PATL1: variants seen among roughly 807,000 people sequenced by gnomAD.
PATL1 encodes the protein PAT1 homolog 1, processing body mRNA decay factor.
Under a neutral mutation model 100.6 loss-of-function variants are expected in PATL1, and 32 were observed. The observed-to-expected ratio is 0.32, with a 90% confidence interval of 0.24 to 0.43. The LOEUF is 0.43. Ranked by LOEUF, PATL1 falls within the 20% of genes least tolerant of loss-of-function variation. The pLI is 1.00. For missense variants in PATL1, 747 were observed against 949.9 expected, an observed-to-expected ratio of 0.79 and a Z score of 2.81; for synonymous variants, 332 against 330.0, an observed-to-expected ratio of 1.01 and a Z score of -0.07.
At chr11:59,646,813 G>C (rs1229794058) in intron 15 of PATL1, among the ~76,000 whole-genome samples, 1 of 151,984 alleles carries the variant, frequency 6.6e-6, no homozygotes, top group Non-Finnish European at 1.5e-5. Flanking sequence ...TCATCTTTCA[G>C]GTGTGCTATG....
chr11:59,642,919 T>C lies in PATL1; in HGVS notation c.2010A>G (p.Ala670=), dbSNP rs1201352903. The change falls in exon 16 of 19, where the codon GCA becomes GCG. Residue 670 remains alanine, a synonymous_variant. Transcript: ENST00000300146. ...CAGCAGTGAGGTGAGGATTGGAGAGTGCTGGTGTAGCTGCACTTTGAGGTA... is the reference window on the plus strand; with the variant it reads ...CAGCAGTGAGGTGAGGATTGGAGAGCGCTGGTGTAGCTGCACTTTGAGGTA... ...MNLPQSAATP[A]LSNPHLTAVL... 4 of 1,613,706 alleles carry C rather than the reference T, an allele frequency of 2.5e-6. No individual in the cohort carries two copies. Among genetic ancestry groups the C allele is most frequent in the Non-Finnish European group, 2.5e-6 (3 of 1,179,878 alleles).
At chr11:59,648,381 C>CA (rs138831150) in intron 14 of PATL1, among the ~76,000 whole-genome samples, 4,103 of 151,242 alleles carry the variant, frequency 0.027, 178 homozygotes, top group African/African-American at 0.094. Flanking sequence ...GACAGGGTTT[C>CA]ACCATGTTGG....
chr11:59,641,897 G>C (rs1861286598), intron 16 of PATL1, among the ~76,000 whole-genome samples: 1 of 152,166 alleles, frequency 6.6e-6, no homozygotes, highest in African/African-American at 2.4e-5. Flanking sequence ...TTCTTCCTCT[G>C]ATACACTGAC....
chr11:59,666,130 C>T (rs747724372), intron 2 of PATL1, among the ~76,000 whole-genome samples: 17 of 152,088 alleles, frequency 1.1e-4, no homozygotes, highest in African/African-American at 2.9e-4. Context: ...CCTGTAATCC[C>T]GGCTACTCGG....
chr11:59,652,783 CTCACCAGTG>C (rs1359011583), intron 10 of PATL1, 46 bp downstream of exon 10: 22 of 1,566,308 alleles, frequency 1.4e-5, no homozygotes, highest in Non-Finnish European at 1.9e-5. Context: ...AATGAATACC[CTCACCAGTG>C]TAGGGGACCA....
At chr11:59,668,577 C>G (rs1861726444) in intron 1 of PATL1, among the ~76,000 whole-genome samples, 1 of 140,938 alleles carries the variant, frequency 7.1e-6, no homozygotes, top group South Asian at 2.4e-4. Flanking sequence ...CTCTACCCTC[C>G]GTGGCTCCTC....
chr11:59,647,895 A>G lies in PATL1; in HGVS notation c.1752T>C (p.Phe584=). Residue 584 remains phenylalanine, a synonymous_variant, in exon 15 of 19, where the codon TTT becomes TTC. Coordinates refer to ENST00000300146, the MANE Select transcript of PATL1 (RefSeq NM_152716.3). ...CTTTTCGGATACACATGATCTGTAC[A>G]AAGTGGTCATCACTAGGCCTGCAAG... ...PGQERPSDDH[F]VQIMCIRKGK... 6.2e-7 allele frequency: 1 copy of G among 1,610,128 alleles called. No homozygotes were observed. Among genetic ancestry groups the G allele is most frequent in the African/African-American group, 1.3e-5 (1 of 74,960 alleles).
At chr11:59,660,417 A>G (rs1454749475) in intron 2 of PATL1, among the ~76,000 whole-genome samples, 1 of 152,254 alleles carries the variant, frequency 6.6e-6, no homozygotes, top group Admixed American at 6.5e-5. Context: ...CTGTAGGAAT[A>G]TAAAGGAAGA....
intron 2 of PATL1, among the ~76,000 whole-genome samples, chr11:59,660,886 G>A (rs746349263): frequency 2.0e-5 from 3 of 152,146 alleles, no homozygotes; most frequent in Non-Finnish European, 2.9e-5. Flanking sequence ...TGACATTAAG[G>A]TTGTTTCTGC....
intron 2 of PATL1, among the ~76,000 whole-genome samples, chr11:59,664,539 C>T (rs1298378858): frequency 6.6e-6 from 1 of 152,162 alleles, no homozygotes; most frequent in African/African-American, 2.4e-5. Flanking sequence ...GAAACAAGCA[C>T]ATGTTGGTAG....
chr11:59,637,936 T>C lies in PATL1; in HGVS notation c.*454A>G. On this transcript the variant is annotated 3_prime_UTR_variant, in exon 19 of 19. Coordinates refer to ENST00000300146, the MANE Select transcript of PATL1 (RefSeq NM_152716.3). ...TGGGGTGTGTGTGTGTGTATCTATG[T>C]GTGTGTGTATATCTTGATTTCTACT... The C allele has an allele frequency of 5.5e-6, 1 of 182,294 alleles. No homozygotes were observed. The highest frequency in any genetic ancestry group is 1.2e-5 in the Non-Finnish European group (1 of 85,094). 11.3% of individuals were successfully genotyped at this position (182,294 alleles called of 1,614,324 possible).
At chr11:59,639,234 A>T (rs1424716693) in intron 17 of PATL1, 37 bp from the exon 18 acceptor site, 3 of 1,602,284 alleles carry the variant, frequency 1.9e-6, no homozygotes, top group Non-Finnish European at 2.6e-6. Flanking sequence ...CAGGAGAAAA[A>T]AATTTAAAAG....
chr11:59,650,884 T>C, intron 12 of PATL1, 71 bp from the exon 13 acceptor site: 1 of 1,059,336 alleles, frequency 9.4e-7, no homozygotes, highest in Non-Finnish European at 1.4e-6. Flanking sequence ...TGCGCATTTG[T>C]AGGTTCATTT....
chr11:59,646,259 C>T (rs1237501446), intron 15 of PATL1, among the ~76,000 whole-genome samples: 1 of 149,836 alleles, frequency 6.7e-6, no homozygotes, highest in Non-Finnish European at 1.5e-5. Flanking sequence ...TTTTCCCTAA[C>T]TCATTTTTCA....
Position 59,652,932 on chromosome 11 carries a change from T to C in PATL1, c.1208A>G (p.Asn403Ser), listed in dbSNP as rs377114260. Residue 403 changes from asparagine to serine, a missense_variant, in exon 10 of 19, where the codon AAT (asparagine) becomes AGT (serine). Asn to Ser is a conservative substitution (Grantham distance 46). This residue lies in a region of PATL1 where 434 missense variants were observed against 596.1 expected (regional missense o/e 0.73). Coordinates refer to ENST00000300146, the MANE Select transcript of PATL1 (RefSeq NM_152716.3). ...QDHLRKDPYANLMLQREKDWV... is the reference protein window; with the variant it reads ...QDHLRKDPYASLMLQREKDWV... Reference sequence around the variant, plus strand: ...ATCCTTTTCCCGCTGCAACATGAGATTGGCATATGGATCCTTTCGGAGATG... The same window carrying C: ...ATCCTTTTCCCGCTGCAACATGAGACTGGCATATGGATCCTTTCGGAGATG... The C allele has an allele frequency of 1.1e-5, 17 of 1,613,994 alleles. No homozygotes were observed. In the East Asian group the frequency reaches 1.8e-4, roughly 17 times the overall value.
chr11:59,664,447 A>C (rs1417197495), intron 2 of PATL1, among the ~76,000 whole-genome samples: 1 of 152,218 alleles, frequency 6.6e-6, no homozygotes, highest in Admixed American at 6.5e-5. Flanking sequence ...AATCAATTCT[A>C]GCTAATTCAT....
intron 16 of PATL1, among the ~76,000 whole-genome samples, chr11:59,640,670 C>T (rs976160881): frequency 1.3e-5 from 2 of 150,326 alleles, no homozygotes; most frequent in Non-Finnish European, 3.0e-5. Flanking sequence ...CAGTGAGCTG[C>T]GATCGCGCCA....
rs186245888 is a variant in PATL1 at position 59,655,570 on chromosome 11, A to T, written c.984T>A (p.Pro328=). ...FFSAPPSATP[P]PQQHPPGPGP... is the part of the protein sequence containing the mutation. ...CTGGGCCAGGAGGGTGCTGCTGTGG[A>T]GGTGGTGTAGCGGAGGGTGGAGCAC... The change falls in exon 8 of 19, where the codon CCT becomes CCA. Residue 328 remains proline (P), a synonymous_variant. Transcript: ENST00000300146. 1 of 1,589,884 alleles carries T rather than the reference A, an allele frequency of 6.3e-7. No individual in the cohort carries two copies. Among genetic ancestry groups the T allele is most frequent in the African/African-American group, 1.3e-5 (1 of 74,484 alleles).
chr11:59,648,896 G>C (rs914005345), intron 14 of PATL1, among the ~76,000 whole-genome samples: 5 of 152,192 alleles, frequency 3.3e-5, no homozygotes, highest in African/African-American at 1.2e-4. Context: ...TAAAAAGAAA[G>C]GGAGTTGTTA....
Sources: gnomAD v4.1 joint callset for allele counts (sites outside exome capture counted in the v4.1 genomes callset) on GRCh38, gnomAD v4.1.1 for gene constraint, gnomAD v4.1.1 regional missense constraint, MANE v1.5 for transcripts, NCBI Gene and HGNC (gene_info 2026-07-23, HGNC 2026-07-21) for gene names.